The following SPATA31H1 variants were observed in gnomAD, a reference collection of about 807,000 sequenced individuals.
SPATA31H1 encodes the protein SPATA31 subfamily H member 1, also known as spermatogenesis-associated protein 31H1.
chr2:27,581,804 T>G, the SPATA31H1 span: 2 of 1,609,918 alleles, frequency 1.2e-6, no homozygotes, highest in Non-Finnish European at 8.5e-7. Context: ...GCCATCACAG[T>G]CCCTCTGAGA....
the SPATA31H1 span, chr2:27,576,641 T>G: frequency 6.2e-6 from 10 of 1,612,894 alleles, no homozygotes; most frequent in Non-Finnish European, 8.5e-6. Flanking sequence ...GATGGCAAGA[T>G]GTGAAATCAA....
the SPATA31H1 span, chr2:27,568,795 A>G: frequency 2.5e-6 from 1 of 399,000 alleles, no homozygotes; most frequent in Admixed American, 4.4e-5. Context: ...TCAATTCCTG[A>G]GACACAGGTG....
the SPATA31H1 span, among the ~76,000 whole-genome samples, chr2:27,538,794 G>A: frequency 6.6e-6 from 1 of 151,974 alleles, no homozygotes; most frequent in Non-Finnish European, 1.5e-5. Context: ...CCACGCCATT[G>A]CACTCCAGCC....
At chr2:27,554,874 C>T in the SPATA31H1 span, among the ~76,000 whole-genome samples, 4 of 151,922 alleles carry the variant, frequency 2.6e-5, no homozygotes, top group African/African-American at 9.7e-5. Flanking sequence ...GTGCCCAGTC[C>T]TCTGGAGAAT....
At chr2:27,566,957 T>C in the SPATA31H1 span, 2 of 717,592 alleles carry the variant, frequency 2.8e-6, no homozygotes, top group Non-Finnish European at 5.2e-6. Context: ...TCCGGAGCCA[T>C]AGTTTACCTA....
At chr2:27,578,776 C>T in the SPATA31H1 span, 1 of 1,614,132 alleles carries the variant, frequency 6.2e-7, no homozygotes, top group Admixed American at 1.7e-5. Flanking sequence ...CTACAAAGCT[C>T]TTCAACCACA....
At chr2:27,539,845 C>A in the SPATA31H1 span, among the ~76,000 whole-genome samples, 2 of 44,730 alleles carry the variant, frequency 4.5e-5, no homozygotes, top group East Asian at 1.5e-3. Context: ...CCTCCCGGAC[C>A]GGGCGGCTGG....
At chr2:27,581,629 A>G in the SPATA31H1 span, 3 of 1,602,016 alleles carry the variant, frequency 1.9e-6, no homozygotes, top group Non-Finnish European at 2.6e-6. Flanking sequence ...GAGAGAAGCC[A>G]TTGCAGTCCC....
the SPATA31H1 span, chr2:27,575,061 A>G: frequency 2.5e-6 from 1 of 398,568 alleles, no homozygotes; most frequent in Non-Finnish European, 4.4e-6. The surrounding 1 kb of genome is among the most constrained non-coding windows in gnomAD (Gnocchi z 4.1). Context: ...AAAATTATCT[A>G]TGTTGACACC....
the SPATA31H1 span, chr2:27,580,683 G>C: frequency 6.2e-7 from 1 of 1,614,210 alleles, no homozygotes; most frequent in Non-Finnish European, 8.5e-7. Context: ...TATAGCTTCT[G>C]TTGGGCGGAA....
chr2:27,551,730 C>A, the SPATA31H1 span, among the ~76,000 whole-genome samples: 3 of 151,996 alleles, frequency 2.0e-5, no homozygotes, highest in Non-Finnish European at 4.4e-5. Flanking sequence ...GATGCCCACC[C>A]ACATTATGGA....
chr2:27,564,981 T>G, the SPATA31H1 span, among the ~76,000 whole-genome samples: 3 of 151,828 alleles, frequency 2.0e-5, no homozygotes, highest in Admixed American at 6.6e-5. Flanking sequence ...TCCCACTACT[T>G]AGCAAAAGTG....
chr2:27,566,415 G>A, the SPATA31H1 span: 1 of 715,940 alleles, frequency 1.4e-6, no homozygotes. Flanking sequence ...GGTGGGGATT[G>A]AAGGTGGTAG....
the SPATA31H1 span, chr2:27,576,798 CAT>C: frequency 5.0e-6 from 8 of 1,613,942 alleles, no homozygotes; most frequent in African/African-American, 1.3e-5. Context: ...AAGCGTAAAA[CAT>C]GTGAAATTAT....
the SPATA31H1 span, chr2:27,574,783 G>A: frequency 5.0e-6 from 2 of 398,276 alleles, no homozygotes; most frequent in Non-Finnish European, 8.9e-6. Context: ...TTCAACTCGG[G>A]CCCACAGTGG....
At chr2:27,553,024 G>T in the SPATA31H1 span, among the ~76,000 whole-genome samples, 1 of 152,006 alleles carries the variant, frequency 6.6e-6, no homozygotes, top group Non-Finnish European at 1.5e-5. Flanking sequence ...AACAGATGAG[G>T]CATCACTGGG....
the SPATA31H1 span, among the ~76,000 whole-genome samples, chr2:27,547,060 G>A: frequency 4.3e-4 from 66 of 151,766 alleles, no homozygotes; most frequent in Non-Finnish European, 7.9e-4. Flanking sequence ...GGTCTATTTC[G>A]GGACTCTCTG....
the SPATA31H1 span, among the ~76,000 whole-genome samples, chr2:27,560,083 G>T: frequency 6.6e-6 from 1 of 151,486 alleles, no homozygotes. Flanking sequence ...GGCCAGGATG[G>T]TCTCAATCTC....
At chr2:27,578,666 G>A in the SPATA31H1 span, 1 of 1,614,130 alleles carries the variant, frequency 6.2e-7, no homozygotes, top group Non-Finnish European at 8.5e-7. Flanking sequence ...CTAAAGTTAT[G>A]GAAACTGAGG....
Sources: allele counts gnomAD v4.1 joint callset (sites outside exome capture counted in the v4.1 genomes callset), GRCh38; gene constraint gnomAD v4.1.1; non-coding constraint Gnocchi (gnomAD v3.1); transcripts MANE v1.5; gene names NCBI Gene and HGNC (gene_info 2026-07-23, HGNC 2026-07-21).